ZSCAN1: variants seen among roughly 807,000 people sequenced by gnomAD.
ZSCAN1 encodes the protein zinc finger and SCAN domain containing 1.
In ZSCAN1, 23 loss-of-function variants were observed where a neutral mutation model predicts 23.8. That is an observed-to-expected ratio of 0.97 (90% CI 0.70 to 1.37). The LOEUF (loss-of-function observed/expected upper bound fraction) is 1.37, where lower values mean the gene tolerates loss of function less well. ZSCAN1 is among the 40% of genes most tolerant of loss of function. ZSCAN1 has a pLI of 0.00. For missense variants in ZSCAN1, 575 were observed against 554.0 expected (o/e 1.04, Z -0.38); for synonymous variants, 236 against 232.3 (o/e 1.02, Z -0.15).
chr19:58,048,777 C>T (rs1278405069), intron 4 of ZSCAN1, among the ~76,000 whole-genome samples: 1 of 151,896 alleles, frequency 6.6e-6, no homozygotes, highest in Non-Finnish European at 1.5e-5. Context: ...TTTTTTGAGA[C>T]GGGGTCTCAC....
At chr19:58,036,515 C>CTTTTTTT (rs66483587) in intron 2 of ZSCAN1, among the ~76,000 whole-genome samples, 1 of 93,438 alleles carries the variant, frequency 1.1e-5, no homozygotes, top group Non-Finnish European at 2.2e-5. Flanking sequence ...TTTTTCTTTT[C>CTTTTTTT]TTTTTTTTTT....
At chr19:58,048,920 T>G (rs1230741657) in intron 4 of ZSCAN1, 3 of 152,150 alleles carry the variant, frequency 2.0e-5, no homozygotes, top group Non-Finnish European at 4.4e-5. Context: ...TTTCTAATTT[T>G]GTAGAGTTGG....
rs149388605 is a variant in ZSCAN1, at chr19:58,053,441, G to T, written c.617G>T (p.Arg206Leu). Residue 206 changes from arginine (R) to leucine (L), a missense_variant, in exon 6 of 6, where the codon CGC (arginine) becomes CTC (leucine). Physicochemically the swap from Arg to Leu is moderately radical, Grantham distance 102. Coordinates refer to ENST00000282326, the MANE Select transcript of ZSCAN1 (RefSeq NM_182572.4). The surrounding 1 kb of genome is among the most constrained non-coding windows in gnomAD (Gnocchi z 5.8). ...TCGCCCTCCACAGGGTCCCGGGCCC[G>T]CTTGCCTCTGAAGCCGAGTATCTGG... ...RAPGLLGSRARLPLKPSIWDE... is the reference protein window; with the variant it reads ...RAPGLLGSRALLPLKPSIWDE... The T allele has an allele frequency of 6.2e-7, 1 of 1,610,088 alleles. No homozygotes were observed. Among genetic ancestry groups the T allele is most frequent in the East Asian group, 2.2e-5 (1 of 44,756 alleles).
chr19:58,040,516 G>A lies in ZSCAN1; in HGVS notation c.437G>A (p.Ser146Asn). 6.2e-7 allele frequency: 1 copy of A among 1,613,552 alleles called. No homozygotes were observed. Among genetic ancestry groups the A allele is most frequent in the Non-Finnish European group, 8.5e-7 (1 of 1,179,992 alleles). ...TTCGGTGAGGAGGAAGATGGGAAGA[G>A]TCCAAGGTCCCAGAAAGAACCATCG... ...WSFGEEEDGKSPRSQKEPSQA... is the reference protein window; with the variant it reads ...WSFGEEEDGKNPRSQKEPSQA... The change falls in exon 4 of 6, where the codon AGT becomes AAT. Residue 146 changes from serine to asparagine, a missense_variant. Ser to Asn is a conservative substitution (Grantham distance 46). Coordinates refer to ENST00000282326, the MANE Select transcript of ZSCAN1 (RefSeq NM_182572.4). This position sits in a 1 kb window ranked among gnomAD's most constrained non-coding sequence, Gnocchi z 5.8.
intron 3 of ZSCAN1, among the ~76,000 whole-genome samples, chr19:58,039,811 A>T (rs556096800): frequency 6.7e-6 from 1 of 149,920 alleles, no homozygotes; most frequent in East Asian, 1.9e-4. Flanking sequence ...CAGTGGAATC[A>T]GCTGAACCCC....
Position 58,040,496 on chromosome 19 carries a change from T to A in ZSCAN1, c.417T>A (p.Gly139=). The A allele has an allele frequency of 6.2e-7, 1 of 1,613,360 alleles. No homozygotes were observed. Among genetic ancestry groups the A allele is most frequent in the Non-Finnish European group, 8.5e-7 (1 of 1,179,922 alleles). Residue 139 remains glycine (G), a synonymous_variant, in exon 4 of 6, where the codon GGT becomes GGA. Coordinates refer to ENST00000282326, the MANE Select transcript of ZSCAN1 (RefSeq NM_182572.4). This position sits in a 1 kb window ranked among gnomAD's most constrained non-coding sequence, Gnocchi z 5.8. The part of the protein sequence containing the change: ...DSVEPQDWSF[G]EEEDGKSPRS... ...TCGAACCCCAGGACTGGAGTTTCGGTGAGGAGGAAGATGGGAAGAGTCCAA... is the reference window on the plus strand; with the variant it reads ...TCGAACCCCAGGACTGGAGTTTCGGAGAGGAGGAAGATGGGAAGAGTCCAA...
At chr19:58,039,255 G>A (rs2073766415) in intron 3 of ZSCAN1, among the ~76,000 whole-genome samples, 1 of 152,290 alleles carries the variant, frequency 6.6e-6, no homozygotes, top group East Asian at 1.9e-4. Context: ...GGGGTAGAGG[G>A]CCCAAGAGCA....
In ZSCAN1 at chr19:58,054,483, G is replaced by A. The variant is rs1319632226; in HGVS notation, c.*432G>A. The A allele has an allele frequency of 6.1e-6, 1 of 163,844 alleles. No individual in the cohort carries two copies. Among genetic ancestry groups the A allele is most frequent in the Non-Finnish European group, 1.3e-5 (1 of 76,422 alleles). 10.1% of individuals were successfully genotyped at this position (163,844 alleles called of 1,614,324 possible). ...CTGGGCAGCTCCAACTCCAGAGAAG[G>A]GTACAGCTGACCCCGGCTGCCCTCC... On this transcript the variant is annotated 3_prime_UTR_variant, in exon 6 of 6. Coordinates refer to ENST00000282326, the MANE Select transcript of ZSCAN1 (RefSeq NM_182572.4). This position sits in a 1 kb window ranked among gnomAD's most constrained non-coding sequence, Gnocchi z 4.2.
intron 4 of ZSCAN1, chr19:58,044,629 C>T (rs1263966011): frequency 1.0e-5 from 11 of 1,059,488 alleles, no homozygotes; most frequent in Non-Finnish European, 1.4e-5. Flanking sequence ...GCTGGGCGCC[C>T]GCCAGCCTCC....
intron 5 of ZSCAN1, 142 bp downstream of exon 5, chr19:58,052,770 G>T: frequency 2.4e-6 from 3 of 1,271,346 alleles, no homozygotes; most frequent in East Asian, 5.1e-5. Context: ...CACACCTCCT[G>T]TGAGGACTGA....
chr19:58,053,556 G>C lies in ZSCAN1; in HGVS notation c.732G>C (p.Gln244His). The C allele has an allele frequency of 6.2e-7, 1 of 1,614,210 alleles. No homozygotes were observed. The highest frequency in any genetic ancestry group is 8.5e-7 in the Non-Finnish European group (1 of 1,180,046). ...CGAGCCCCAAGGGTCCAAGTGCTCAGAGAATCAGTCCCCGAAGGAGAAACA... is the reference window on the plus strand; with the variant it reads ...CGAGCCCCAAGGGTCCAAGTGCTCACAGAATCAGTCCCCGAAGGAGAAACA... Reference protein sequence around the residue: ...VISSPKGPSAQRISPRRRNRN... With the variant: ...VISSPKGPSAHRISPRRRNRN... Residue 244 changes from glutamine (Q) to histidine (H), a missense_variant, in exon 6 of 6, where the codon CAG becomes CAC. Coordinates refer to ENST00000282326, the MANE Select transcript of ZSCAN1 (RefSeq NM_182572.4). The surrounding 1 kb of genome is among the most constrained non-coding windows in gnomAD (Gnocchi z 5.8).
chr19:58,054,189 C>G lies in ZSCAN1; in HGVS notation c.*138C>G. On this transcript the variant is annotated 3_prime_UTR_variant, in exon 6 of 6. Transcript: ENST00000282326. The surrounding 1 kb of genome is among the most constrained non-coding windows in gnomAD (Gnocchi z 4.2). The stretch of plus-strand genomic sequence containing the variant: ...TCCTCTTGAAGGACACAAGCTGTTT[C>G]TCGGAAGACCCTGGACACCTGCTCC... 1 of 1,212,978 alleles carries G rather than the reference C, an allele frequency of 8.2e-7. No homozygotes were observed. The highest frequency in any genetic ancestry group is 1.1e-6 in the Non-Finnish European group (1 of 903,872). The allele number at this position is 1,212,978 out of a possible 1,614,324, so 75.1% of individuals were successfully genotyped here.
At position 58,045,770 on chromosome 19, in the gene ZSCAN1, T is replaced by C; in HGVS notation, c.465+5226T>C. The C allele has an allele frequency of 6.5e-7, 1 of 1,549,704 alleles. No homozygotes were observed. Among genetic ancestry groups the C allele is most frequent in the Non-Finnish European group, 8.9e-7 (1 of 1,122,100 alleles). Reference sequence around the variant, plus strand: ...CTGAGGGGCCAGCTGAAGCAGTGGCTGGACCTGCACCTGCATCAGGAGATC... The same window carrying C: ...CTGAGGGGCCAGCTGAAGCAGTGGCCGGACCTGCACCTGCATCAGGAGATC... On this transcript the variant is annotated intron_variant, in intron 4 of 5. Coordinates refer to ENST00000282326, the MANE Select transcript of ZSCAN1 (RefSeq NM_182572.4). The surrounding 1 kb of genome is among the most constrained non-coding windows in gnomAD (Gnocchi z 4.3).
At chr19:58,039,855 C>T (rs1568602234) in intron 3 of ZSCAN1, among the ~76,000 whole-genome samples, 1 of 151,500 alleles carries the variant, frequency 6.6e-6, no homozygotes, top group African/African-American at 2.4e-5. Flanking sequence ...GTCCCCCGCT[C>T]TGCCTGACAC....
intron 4 of ZSCAN1, among the ~76,000 whole-genome samples, chr19:58,044,042 G>A (rs1359108994): frequency 1.3e-5 from 2 of 151,848 alleles, no homozygotes; most frequent in Non-Finnish European, 2.9e-5. Flanking sequence ...AGGCCGCGGC[G>A]GGCGGATCAC....
At chr19:58,042,289 G>A (rs543102584) in intron 4 of ZSCAN1, among the ~76,000 whole-genome samples, 2 of 150,018 alleles carry the variant, frequency 1.3e-5, no homozygotes, top group East Asian at 3.9e-4. Flanking sequence ...ATGGAGTCTT[G>A]CTCTGTAGCC....
intron 4 of ZSCAN1, chr19:58,044,522 G>C: frequency 2.2e-6 from 1 of 449,154 alleles, no homozygotes. Context: ...GCGAAGAGCC[G>C]CGGCCGCCGC....
chr19:58,039,770 CAAAAAAAAAAAA>C (rs67254346), intron 3 of ZSCAN1, among the ~76,000 whole-genome samples: 1 of 83,300 alleles, frequency 1.2e-5, no homozygotes, highest in Admixed American at 1.3e-4. Context: ...GACTCCGTCT[CAAAAAAAAAAAA>C]AAAAAAAAAA....
chr19:58,047,053 T>C lies in ZSCAN1; in HGVS notation c.466-5437T>C, dbSNP rs907898307. On this transcript the variant is annotated intron_variant, in intron 4 of 5. Coordinates refer to ENST00000282326, the MANE Select transcript of ZSCAN1 (RefSeq NM_182572.4). This position sits in a 1 kb window ranked among gnomAD's most constrained non-coding sequence, Gnocchi z 4.9. ...GGGCCAAGGCAGGAAGGTGCCCCCCTGTGTGTGGCCTCACGTCTCAGTGTC... is the reference window on the plus strand; with the variant it reads ...GGGCCAAGGCAGGAAGGTGCCCCCCCGTGTGTGGCCTCACGTCTCAGTGTC... 4.6e-5 allele frequency among the ~76,000 whole-genome samples: 7 copies of C among 151,288 alleles called. No individual in the cohort carries two copies. Among genetic ancestry groups the C allele is most frequent in the Admixed American group, 4.6e-4 (7 of 15,218 alleles).
Sources: allele counts gnomAD v4.1 joint callset (sites outside exome capture counted in the v4.1 genomes callset), GRCh38; gene constraint gnomAD v4.1.1; non-coding constraint Gnocchi (gnomAD v3.1); transcripts MANE v1.5; gene names NCBI Gene and HGNC (gene_info 2026-07-23, HGNC 2026-07-21).